Variants in NUCB2 observed in about 807,000 individuals in gnomAD.
NUCB2 encodes nucleobindin 2, also known as nucleobindin-2.
A neutral mutation model predicts 57.9 loss-of-function variants in NUCB2; 48 were observed. The ratio of observed to expected loss-of-function variants is 0.83; its 90% CI spans 0.66 to 1.05. NUCB2 has a LOEUF of 1.05. Ranked by LOEUF, NUCB2 falls within the 50% of genes least tolerant of loss-of-function variation. NUCB2 has a pLI of 0.00. For missense variants in NUCB2, 442 were observed against 476.2 expected (o/e 0.93, Z 0.67); for synonymous variants, 139 against 152.1 (o/e 0.91, Z 0.64).
At chr11:17,334,091 A>G (rs1951616555), downstream of NUCB2, 1 of 152,196 alleles carries the variant, frequency 6.6e-6, no homozygotes, top group Admixed American at 6.5e-5. Flanking sequence ...AGCCAACCCC[A>G]GATTTAGGGC....
At chr11:17,328,508 A>G (rs955058511) in intron 11 of NUCB2, among the ~76,000 whole-genome samples, 1 of 152,190 alleles carries the variant, frequency 6.6e-6, no homozygotes, top group Non-Finnish European at 1.5e-5. Context: ...TGACACTCAA[A>G]TCACAATACA....
chr11:17,335,172 CTA>C (rs1413925630), downstream of NUCB2, among the ~76,000 whole-genome samples: 2 of 151,496 alleles, frequency 1.3e-5, no homozygotes, highest in Middle Eastern at 3.2e-3. Flanking sequence ...TAGAATATCT[CTA>C]TTGCTTAAAT....
At chr11:17,307,545 G>A (rs1360436816) in intron 5 of NUCB2, among the ~76,000 whole-genome samples, 1 of 152,032 alleles carries the variant, frequency 6.6e-6, no homozygotes, top group Non-Finnish European at 1.5e-5. Flanking sequence ...ACACATTTTT[G>A]TGCATTGTTT....
At chr11:17,334,982 G>C (rs1387737179), downstream of NUCB2, among the ~76,000 whole-genome samples, 1 of 151,480 alleles carries the variant, frequency 6.6e-6, no homozygotes, top group African/African-American at 2.4e-5. Context: ...TAAATTTTTA[G>C]ATGATCATTG....
chr11:17,297,643 C>T (rs1054792264), intron 4 of NUCB2, among the ~76,000 whole-genome samples: 7 of 152,142 alleles, frequency 4.6e-5, no homozygotes, highest in Admixed American at 2.6e-4. Flanking sequence ...GGAGATACTA[C>T]ATAGAGATAT....
At chr11:17,335,277 GT>G (rs1380616958), downstream of NUCB2, among the ~76,000 whole-genome samples, 1 of 152,062 alleles carries the variant, frequency 6.6e-6, no homozygotes. Context: ...TTGGGTAAAC[GT>G]TTTTAGATGG....
intron 2 of NUCB2, among the ~76,000 whole-genome samples, chr11:17,288,552 C>CTTCTTT (rs1375589442): frequency 9.9e-6 from 1 of 101,176 alleles, no homozygotes; most frequent in African/African-American, 4.4e-5. Context: ...TCTTCTTCTT[C>CTTCTTT]TTTTTTTTTT....
At position 17,277,893 on chromosome 11, in the gene NUCB2, A is replaced by C. The variant is rs1941657104; in HGVS notation, c.-156+1065A>C. On this transcript the variant is annotated intron_variant, in intron 1 of 13. Transcript: ENST00000529010. ...TCAACAAATGTTGAACAAATATTTC[A>C]ACAAATCTTCTTCAGCTAATAGGGT... Among the ~76,000 whole-genome samples, 3 of 152,196 alleles carry C rather than the reference A, an allele frequency of 2.0e-5. No homozygotes were observed. The South Asian group carries it at 6.2e-4, about 32-fold the overall frequency.
chr11:17,343,631 T>G (rs891062252), intron 2 of NUCB2, among the ~76,000 whole-genome samples: 1 of 152,256 alleles, frequency 6.6e-6, no homozygotes, highest in African/African-American at 2.4e-5. Flanking sequence ...GTGACAACTT[T>G]CTAAATATTT....
intron 11 of NUCB2, among the ~76,000 whole-genome samples, chr11:17,318,828 T>C (rs1439596321): frequency 6.6e-6 from 1 of 152,148 alleles, no homozygotes; most frequent in Non-Finnish European, 1.5e-5. Flanking sequence ...GCAAAATTGC[T>C]TTTCAAAAGA....
chr11:17,343,303 TGA>T (rs1239377717), intron 2 of NUCB2, among the ~76,000 whole-genome samples: 5 of 152,116 alleles, frequency 3.3e-5, no homozygotes, highest in African/African-American at 1.2e-4. Flanking sequence ...GATTTAATGG[TGA>T]GAGAGAAAAA....
At chr11:17,327,826 C>T (rs1434427330) in intron 11 of NUCB2, among the ~76,000 whole-genome samples, 1 of 152,108 alleles carries the variant, frequency 6.6e-6, no homozygotes, top group Non-Finnish European at 1.5e-5. Flanking sequence ...TTCTGAATTC[C>T]TTCTCTGTGT....
chr11:17,313,696 G>A (rs1948839506), intron 10 of NUCB2, among the ~76,000 whole-genome samples: 1 of 152,004 alleles, frequency 6.6e-6, no homozygotes, highest in African/African-American at 2.4e-5. Context: ...TACAGTTGAT[G>A]CCTCCCTCTT....
chr11:17,291,167 GTATAA>G (rs1198882997), intron 2 of NUCB2: 1 of 151,898 alleles, frequency 6.6e-6, no homozygotes, highest in Non-Finnish European at 1.5e-5. Flanking sequence ...AAATTGAATC[GTATAA>G]TATGTGTCCT....
rs1449807660 is a variant in NUCB2, at chr11:17,301,767, G to T, written c.276G>T (p.Leu92=). The T allele has an allele frequency of 3.1e-6, 5 of 1,609,290 alleles. No homozygotes were observed. Among genetic ancestry groups the T allele is most frequent in the Middle Eastern group, 1.7e-4 (1 of 6,048 alleles). The change falls in exon 5 of 14, where the codon CTG becomes CTT. Residue 92 remains leucine (L), a synonymous_variant. Coordinates refer to ENST00000529010, the MANE Select transcript of NUCB2 (RefSeq NM_005013.4). ...AGAGTGGGAGGCTAAGCAAAGAACT[G>T]GATTTAGTAAGTCACCATGTGAGGA... is the stretch of plus-strand genomic sequence containing the variant. The part of the protein sequence containing the change: ...EIKSGRLSKE[L]DLVSHHVRTK...
chr11:17,342,363 T>C (rs1378845859), intron 2 of NUCB2, among the ~76,000 whole-genome samples: 1 of 152,216 alleles, frequency 6.6e-6, no homozygotes, highest in African/African-American at 2.4e-5. Context: ...AGCTTTTGAA[T>C]GTGTTTGCTC....
chr11:17,348,334 T>G (rs59702255), intron 2 of NUCB2, among the ~76,000 whole-genome samples: 82 of 127,050 alleles, frequency 6.5e-4, no homozygotes, highest in African/African-American at 1.6e-3. Context: ...TTTTTTTTTT[T>G]TTTTTTTTTT....
chr11:17,287,124 C>T (rs936518818), intron 2 of NUCB2, among the ~76,000 whole-genome samples: 1 of 151,934 alleles, frequency 6.6e-6, no homozygotes, highest in Non-Finnish European at 1.5e-5. Flanking sequence ...AAATAGAAAG[C>T]CCTACCAGCC....
chr11:17,295,457 T>C lies in NUCB2; in HGVS notation c.134T>C (p.Ile45Thr). The C allele has an allele frequency of 6.2e-7, 1 of 1,609,984 alleles. No individual in the cohort carries two copies. The highest frequency in any genetic ancestry group is 8.5e-7 in the Non-Finnish European group (1 of 1,178,198). Residue 45 changes from isoleucine to threonine, a missense_variant, in exon 3 of 14, where the codon ATA becomes ACA. Physicochemically the swap from Ile to Thr is moderately conservative, Grantham distance 89. Coordinates refer to ENST00000529010, the MANE Select transcript of NUCB2 (RefSeq NM_005013.4). The part of the protein sequence containing the change: ...QNIHPVESAK[I>T]EPPDTGLYYD... Reference sequence around the variant, plus strand: ...ATTCACCCTGTGGAAAGTGCGAAGATAGAACCACCAGTAAGTGAAATGAAG... The same window carrying C: ...ATTCACCCTGTGGAAAGTGCGAAGACAGAACCACCAGTAAGTGAAATGAAG...
Sources: allele counts gnomAD v4.1 joint callset (sites outside exome capture counted in the v4.1 genomes callset), GRCh38; gene constraint gnomAD v4.1.1; transcripts MANE v1.5; gene names NCBI Gene and HGNC (gene_info 2026-07-23, HGNC 2026-07-21).